The following NALF1 variants were observed in gnomAD, a reference collection of about 807,000 sequenced individuals.
The protein encoded by NALF1 is family with sequence similarity 155 member A.
Under a neutral mutation model 48.4 loss-of-function variants are expected in NALF1, and 3 were observed. That is an observed-to-expected ratio of 0.06 (90% confidence interval 0.03 to 0.16). The LOEUF is 0.16. Ranked by LOEUF, NALF1 falls within the 10% of genes least tolerant of loss-of-function variation. NALF1 has a pLI of 1.00. For missense variants in NALF1, 526 were observed against 571.5 expected (o/e 0.92, Z 0.81); for synonymous variants, 262 against 245.7 (o/e 1.07, Z -0.62).
chr13:107,557,418 T>A (rs1566392313), intron 1 of NALF1, among the ~76,000 whole-genome samples: 1 of 152,076 alleles, frequency 6.6e-6, no homozygotes, highest in Non-Finnish European at 1.5e-5. Flanking sequence ...ACGGTTTGCA[T>A]ACCGTGGGGA....
intron 1 of NALF1, among the ~76,000 whole-genome samples, chr13:107,705,387 G>A (rs1881923215): frequency 6.6e-6 from 1 of 151,322 alleles, no homozygotes; most frequent in African/African-American, 2.4e-5. Flanking sequence ...GTTAGAACCA[G>A]CAAAGTACTT....
chr13:107,799,979 G>A (rs1878551599), intron 1 of NALF1, among the ~76,000 whole-genome samples: 1 of 151,778 alleles, frequency 6.6e-6, no homozygotes, highest in South Asian at 2.1e-4. Context: ...AATATTGAGA[G>A]AGGAAGAAAA....
intron 1 of NALF1, among the ~76,000 whole-genome samples, chr13:107,670,511 A>G (rs1880965842): frequency 6.6e-6 from 1 of 152,084 alleles, no homozygotes; most frequent in South Asian, 2.1e-4. Context: ...AAAGTATGTA[A>G]ATGTCCAACA....
At chr13:107,558,719 G>A (rs564612313) in intron 1 of NALF1, among the ~76,000 whole-genome samples, 16 of 152,212 alleles carry the variant, frequency 1.1e-4, no homozygotes, top group African/African-American at 3.1e-4. Context: ...GTTTCAGGGC[G>A]TTTCCCAGAG....
At chr13:107,843,569 C>T (rs191325130) in intron 1 of NALF1, among the ~76,000 whole-genome samples, 277 of 152,244 alleles carry the variant, frequency 1.8e-3, no homozygotes, top group Middle Eastern at 0.01. Context: ...TTAGCATTTT[C>T]GCAAGATCCC....
chr13:107,216,832 G>C (rs1879882876), intron 1 of NALF1, among the ~76,000 whole-genome samples: 1 of 152,152 alleles, frequency 6.6e-6, no homozygotes, highest in Non-Finnish European at 1.5e-5. Flanking sequence ...AGCCCAGTTG[G>C]CCAATCAGGG....
chr13:107,759,260 G>A (rs373343144), intron 1 of NALF1, among the ~76,000 whole-genome samples: 2 of 152,306 alleles, frequency 1.3e-5, no homozygotes, highest in Admixed American at 6.5e-5. Context: ...CCAGGCTGGA[G>A]TGCAGTGGCA....
At chr13:107,550,539 C>T (rs1294197954) in intron 1 of NALF1, among the ~76,000 whole-genome samples, 6 of 152,090 alleles carry the variant, frequency 3.9e-5, no homozygotes, top group African/African-American at 1.2e-4. Flanking sequence ...CAACCTTGTC[C>T]GCCAGCATCT....
intron 2 of NALF1, among the ~76,000 whole-genome samples, chr13:107,182,568 C>A (rs1879089118): frequency 6.6e-6 from 1 of 152,110 alleles, no homozygotes. Context: ...CCACACTCGG[C>A]CCTATGTGAC....
intron 1 of NALF1, among the ~76,000 whole-genome samples, chr13:107,489,209 A>G (rs1885377963): frequency 6.6e-6 from 1 of 152,216 alleles, no homozygotes; most frequent in African/African-American, 2.4e-5. Context: ...TACTGCCTAA[A>G]GCAATTTATA....
At chr13:107,618,168 C>T (rs1316191378) in intron 1 of NALF1, among the ~76,000 whole-genome samples, 2 of 151,466 alleles carry the variant, frequency 1.3e-5, no homozygotes, top group South Asian at 2.1e-4. Flanking sequence ...CTGGAAAAAA[C>T]TCTGTTGGAA....
At chr13:107,499,909 AT>A (rs992846723) in intron 1 of NALF1, among the ~76,000 whole-genome samples, 3 of 152,242 alleles carry the variant, frequency 2.0e-5, no homozygotes, top group African/African-American at 7.2e-5. Flanking sequence ...AGACAACTCT[AT>A]TGTTTCTCTG....
intron 1 of NALF1, among the ~76,000 whole-genome samples, chr13:107,828,598 TATATCTATAC>T (rs1304587870): frequency 3.7e-4 from 27 of 72,968 alleles, no homozygotes; most frequent in Non-Finnish European, 6.7e-4. Flanking sequence ...TATCTATATC[TATATCTATAC>T]ACACACACAC....
chr13:107,684,369 C>A (rs913119516), intron 1 of NALF1, among the ~76,000 whole-genome samples: 1 of 152,192 alleles, frequency 6.6e-6, no homozygotes, highest in African/African-American at 2.4e-5. Context: ...CATTTGGCAG[C>A]TCCACAAAAA....
Position 107,716,882 on chromosome 13 carries a change from A to G in NALF1, c.915+148800T>C, listed in dbSNP as rs75919979. ...TACACCTTTTTTGGTTGTTATTTTG[A>G]TGGCGGGGTTTCCGTAAAGAGAAGA... is the stretch of plus-strand genomic sequence containing the variant. On this transcript the variant is annotated intron_variant, in intron 1 of 2. Transcript: ENST00000375915. Among the ~76,000 whole-genome samples, 4,233 of 152,180 alleles carry G rather than the reference A, an allele frequency of 0.028. 351 individuals carry two copies. In the East Asian group the frequency reaches 0.32, roughly 12 times the overall value.
At chr13:107,597,297 C>T (rs1209709138) in intron 1 of NALF1, among the ~76,000 whole-genome samples, 1 of 152,130 alleles carries the variant, frequency 6.6e-6, no homozygotes, top group Admixed American at 6.6e-5. Flanking sequence ...TGTGTACTCG[C>T]ACACGTACAC....
chr13:107,834,279 T>C (rs904011353), intron 1 of NALF1, among the ~76,000 whole-genome samples: 1 of 152,174 alleles, frequency 6.6e-6, no homozygotes, highest in Non-Finnish European at 1.5e-5. Context: ...ACCCAATCCC[T>C]CTCAAATACC....
rs761206108 is a variant in NALF1, at chr13:107,865,835, T to C, written c.762A>G (p.Glu254=). 1.2e-6 allele frequency: 2 copies of C among 1,614,066 alleles called. No homozygotes were observed. Among genetic ancestry groups the C allele is most frequent in the South Asian group, 2.2e-5 (2 of 91,072 alleles). ...LNCSLDVVLK[E]GGEMTTCRQC... is the part of the protein sequence containing the mutation. ...GCCTGCAAGTGGTCATCTCGCCGCC[T>C]TCCTTGAGCACCACATCCAGACTGC... The change falls in exon 1 of 3, where the codon GAA becomes GAG. Residue 254 remains glutamate, a synonymous_variant. Coordinates refer to ENST00000375915, the MANE Select transcript of NALF1 (RefSeq NM_001080396.3).
chr13:107,451,896 C>T (rs1204963743), intron 1 of NALF1, among the ~76,000 whole-genome samples: 1 of 152,168 alleles, frequency 6.6e-6, no homozygotes, highest in Non-Finnish European at 1.5e-5. Flanking sequence ...TGTGGAGATG[C>T]AAATCCCAGA....
Sources: gnomAD v4.1 joint callset for allele counts (sites outside exome capture counted in the v4.1 genomes callset) on GRCh38, gnomAD v4.1.1 for gene constraint, MANE v1.5 for transcripts, NCBI Gene and HGNC (gene_info 2026-07-23, HGNC 2026-07-21) for gene names.